Variants in SPATA17 observed in about 807,000 individuals in gnomAD.
SPATA17 encodes spermatogenesis-associated protein 17.
In SPATA17, 53 loss-of-function variants were observed where a neutral mutation model predicts 62.2. That is an observed-to-expected ratio of 0.85 (90% CI 0.68 to 1.07). The LOEUF (loss-of-function observed/expected upper bound fraction) is 1.07, where lower values mean the gene tolerates loss of function less well. Among genes scored for constraint, SPATA17 ranks in the 50% least tolerant of loss-of-function variants. The probability of loss-of-function intolerance (pLI) is 0.00; values close to 1 mark genes in which losing one functional copy is unlikely to be tolerated. For synonymous variants in SPATA17, 146 were observed against 146.8 expected (o/e 0.99, Z 0.04); for missense variants, 466 against 425.5 (o/e 1.10, Z -0.84).
chr1:217,683,089 TTA>T (rs1671126045), intron 4 of SPATA17, among the ~76,000 whole-genome samples, 167 bp from the exon 5 acceptor site: 1 of 151,922 alleles, frequency 6.6e-6, no homozygotes, highest in African/African-American at 2.4e-5. Flanking sequence ...CATAAAAAAT[TTA>T]TGAGCAGAAC....
At chr1:217,635,560 C>T (rs1213121418) in intron 1 of SPATA17, among the ~76,000 whole-genome samples, 3 of 151,628 alleles carry the variant, frequency 2.0e-5, no homozygotes, top group African/African-American at 4.8e-5. Context: ...AAAAATTAGC[C>T]AGGGGTGGTG....
intron 3 of SPATA17, among the ~76,000 whole-genome samples, chr1:217,667,071 G>A (rs1169767643): frequency 3.8e-5 from 5 of 131,470 alleles, no homozygotes; most frequent in South Asian, 2.4e-4. Context: ...TTTTTGTGAC[G>A]GAGTCTCACT....
intron 6 of SPATA17, among the ~76,000 whole-genome samples, chr1:217,754,446 G>A (rs944395175): frequency 1.2e-4 from 18 of 152,084 alleles, no homozygotes; most frequent in African/African-American, 4.1e-4. Context: ...AAAGAAATGG[G>A]GCTGTAATAG....
chr1:217,732,830 AT>A (rs1672429944), intron 5 of SPATA17, among the ~76,000 whole-genome samples: 1 of 152,180 alleles, frequency 6.6e-6, no homozygotes, highest in Non-Finnish European at 1.5e-5. Context: ...TATTATTGCT[AT>A]TATTGTAGTT....
chr1:217,803,173 A>C (rs981003574), intron 9 of SPATA17, among the ~76,000 whole-genome samples: 1 of 152,042 alleles, frequency 6.6e-6, no homozygotes, highest in African/African-American at 2.4e-5. Context: ...CAGCCTCCCA[A>C]AGTTCTGGGA....
chr1:217,653,267 C>A (rs551648690), intron 3 of SPATA17, among the ~76,000 whole-genome samples: 1 of 152,086 alleles, frequency 6.6e-6, no homozygotes, highest in African/African-American at 2.4e-5. Flanking sequence ...AGGAGGAAAG[C>A]AAAGAAACAC....
intron 6 of SPATA17, among the ~76,000 whole-genome samples, chr1:217,751,924 C>T (rs934592223): frequency 4.6e-5 from 7 of 152,166 alleles, no homozygotes; most frequent in African/African-American, 1.4e-4. Context: ...AAACCTCCCC[C>T]TTATGTGTGA....
intron 7 of SPATA17, among the ~76,000 whole-genome samples, 196 bp downstream of exon 7, chr1:217,774,733 A>G (rs958897983): frequency 6.6e-6 from 1 of 152,202 alleles, no homozygotes; most frequent in South Asian, 2.1e-4. Context: ...CCCACTAAAC[A>G]ACTCTCCATT....
chr1:217,788,151 C>A (rs1470734427), intron 8 of SPATA17, among the ~76,000 whole-genome samples: 1 of 151,924 alleles, frequency 6.6e-6, no homozygotes, highest in East Asian at 1.9e-4. Context: ...ATGGGCTTCA[C>A]TAAGGTATTA....
In SPATA17 at chr1:217,854,283, C is replaced by T. The variant is rs547231371; in HGVS notation, c.1006-8491C>T. 2.6e-5 allele frequency among the ~76,000 whole-genome samples: 4 copies of T among 152,240 alleles called. No homozygotes were observed. The South Asian group carries it at 8.3e-4, about 32-fold the overall frequency. ...AGGTTGCAGTTCATCCACAAAAACA[C>T]TGCGAATATTGATTTTGAGGTTACA... On this transcript the variant is annotated intron_variant, in intron 9 of 10. Transcript: ENST00000366933.
At chr1:217,847,690 A>G in intron 9 of SPATA17, among the ~76,000 whole-genome samples, 1 of 152,134 alleles carries the variant, frequency 6.6e-6, no homozygotes, top group East Asian at 1.9e-4. Context: ...TTAATAACAG[A>G]AGATAAACCA....
At chr1:217,820,059 A>G (rs1169902030) in intron 9 of SPATA17, among the ~76,000 whole-genome samples, 1 of 152,120 alleles carries the variant, frequency 6.6e-6, no homozygotes, top group Non-Finnish European at 1.5e-5. Context: ...CTGTGATTGC[A>G]GACAATATGG....
intron 6 of SPATA17, among the ~76,000 whole-genome samples, chr1:217,744,462 CAAAAAAAAAAAAAA>C (rs766645844): frequency 3.3e-5 from 1 of 30,594 alleles, no homozygotes; most frequent in African/African-American, 8.7e-5. Flanking sequence ...GACTCCGTCT[CAAAAAAAAAAAAAA>C]AAAAAAAAAG....
At chr1:217,709,729 C>G (rs12120366) in intron 5 of SPATA17, among the ~76,000 whole-genome samples, 21,246 of 152,160 alleles carry the variant, frequency 0.14, 1,574 homozygotes, top group Non-Finnish European at 0.16. Context: ...TTGTCTTTCA[C>G]ACTCAGTGAT....
At chr1:217,759,207 C>T (rs1292557725) in intron 6 of SPATA17, among the ~76,000 whole-genome samples, 1 of 152,058 alleles carries the variant, frequency 6.6e-6, no homozygotes, top group African/African-American at 2.4e-5. Context: ...GCTTGTAATC[C>T]CAGCAATTTG....
At chr1:217,737,304 CATAA>C (rs1360790108) in intron 5 of SPATA17, among the ~76,000 whole-genome samples, 2 of 152,104 alleles carry the variant, frequency 1.3e-5, no homozygotes, top group Non-Finnish European at 2.9e-5. Context: ...GAAAGCAGAA[CATAA>C]ATAGAGGATT....
intron 8 of SPATA17, among the ~76,000 whole-genome samples, chr1:217,782,955 G>C (rs1169929495): frequency 1.3e-5 from 2 of 151,134 alleles, no homozygotes; most frequent in Admixed American, 6.6e-5. Context: ...ATCTAAAATG[G>C]CTTTATTTTT....
At chr1:217,723,304 G>T (rs920738386) in intron 5 of SPATA17, among the ~76,000 whole-genome samples, 1 of 152,112 alleles carries the variant, frequency 6.6e-6, no homozygotes, top group African/African-American at 2.4e-5. Flanking sequence ...GAATACATGT[G>T]TTGGGTCCCC....
chr1:217,669,614 A>G (rs180870443), intron 4 of SPATA17, among the ~76,000 whole-genome samples: 1 of 152,310 alleles, frequency 6.6e-6, no homozygotes, highest in East Asian at 1.9e-4. Context: ...GATCTTGGGA[A>G]TGGACATAAC....
Sources: gnomAD v4.1 joint callset for allele counts (sites outside exome capture counted in the v4.1 genomes callset) on GRCh38, gnomAD v4.1.1 for gene constraint, MANE v1.5 for transcripts, NCBI Gene and HGNC (gene_info 2026-07-23, HGNC 2026-07-21) for gene names.